PLEKHA7: variants seen among roughly 807,000 people sequenced by gnomAD.
PLEKHA7 encodes pleckstrin homology domain-containing family A member 7.
Under a neutral mutation model 170.0 loss-of-function variants are expected in PLEKHA7, and 104 were observed. That is an observed-to-expected ratio of 0.61 (90% CI 0.52 to 0.72). The LOEUF (loss-of-function observed/expected upper bound fraction) is 0.72. Among genes scored for constraint, PLEKHA7 ranks in the 30% least tolerant of loss-of-function variants. The pLI is 0.00. For synonymous variants in PLEKHA7, 648 were observed against 660.8 expected, an observed-to-expected ratio of 0.98 and a Z score of 0.30; for missense variants, 1,615 against 1,671.7, an observed-to-expected ratio of 0.97 and a Z score of 0.59.
intron 3 of PLEKHA7, among the ~76,000 whole-genome samples, chr11:16,968,288 G>A (rs977176159): frequency 6.6e-6 from 1 of 152,210 alleles, no homozygotes; most frequent in Non-Finnish European, 1.5e-5. Flanking sequence ...TCCAGACTCA[G>A]CTCTGGGCAC....
At chr11:16,858,177 CA>C (rs1170202277) in intron 4 of PLEKHA7, among the ~76,000 whole-genome samples, 1 of 152,154 alleles carries the variant, frequency 6.6e-6, no homozygotes, top group Non-Finnish European at 1.5e-5. Context: ...TGGTTACTTC[CA>C]TTCTTTTTAT....
intron 3 of PLEKHA7, among the ~76,000 whole-genome samples, chr11:16,968,000 G>A (rs930367186): frequency 6.6e-6 from 1 of 152,188 alleles, no homozygotes; most frequent in Admixed American, 6.5e-5. Context: ...AAGTGAGGAG[G>A]AGGCCTGGAG....
chr11:16,957,697 C>CTTT (rs1169142909), intron 3 of PLEKHA7, among the ~76,000 whole-genome samples: 84 of 87,296 alleles, frequency 9.6e-4, no homozygotes, highest in African/African-American at 3.0e-3. Context: ...TAATTTTTTT[C>CTTT]TTTTTTTTTT....
At chr11:16,969,399 G>T (rs1862573872) in intron 3 of PLEKHA7, among the ~76,000 whole-genome samples, 2 of 152,134 alleles carry the variant, frequency 1.3e-5, no homozygotes. Context: ...GATGTAATAT[G>T]ATTACATCTT....
intron 3 of PLEKHA7, among the ~76,000 whole-genome samples, chr11:16,886,777 C>T (rs145238867): frequency 4.6e-3 from 698 of 151,268 alleles, no homozygotes; most frequent in Non-Finnish European, 8.4e-3. Context: ...GATTTACTTG[C>T]CCCCAACAAT....
At chr11:16,919,814 A>G (rs1858955577) in intron 3 of PLEKHA7, among the ~76,000 whole-genome samples, 1 of 152,236 alleles carries the variant, frequency 6.6e-6, no homozygotes, top group Non-Finnish European at 1.5e-5. Context: ...AACAAATATT[A>G]CTCAATATAA....
chr11:16,795,693 G>T (rs1848174725), intron 17 of PLEKHA7, among the ~76,000 whole-genome samples: 1 of 151,624 alleles, frequency 6.6e-6, no homozygotes, highest in African/African-American at 2.4e-5. Flanking sequence ...GGAGGCTGAG[G>T]CATGAGAATC....
chr11:16,804,100 C>T lies in PLEKHA7; in HGVS notation c.2008-805G>A, dbSNP rs1240812547. 2.0e-5 allele frequency among the ~76,000 whole-genome samples: 3 copies of T among 152,122 alleles called. No individual in the cohort carries two copies. The South Asian group carries it at 6.2e-4, about 32-fold the overall frequency. ...TCTTACTTATCCCATTTTTCCATTT[C>T]CCCCAATTTCTTTCTTGCCAAAAGT... On this transcript the variant is annotated intron_variant, in intron 13 of 26. Transcript: ENST00000531066.
chr11:16,795,929 C>A (rs569802252), intron 17 of PLEKHA7, among the ~76,000 whole-genome samples: 1 of 141,284 alleles, frequency 7.1e-6, no homozygotes. Flanking sequence ...CATCTCGGCT[C>A]ACTGCAACCT....
rs778053591 is a variant in PLEKHA7 at position 16,822,273 on chromosome 11, G to A, written c.1343+3847C>T. Among the ~76,000 whole-genome samples the A allele has an allele frequency of 2.6e-5, 4 of 151,992 alleles. No homozygotes were observed. The East Asian group carries it at 5.8e-4, about 22-fold the overall frequency. On this transcript the variant is annotated intron_variant, in intron 10 of 26. Coordinates refer to ENST00000531066, the MANE Select transcript of PLEKHA7 (RefSeq NM_001329630.2). ...CAAAGAGTTTCTCACTGGCCATGCC[G>A]TCTTACTGATTTCAACCCCTCCTTT...
intron 3 of PLEKHA7, among the ~76,000 whole-genome samples, chr11:16,877,891 A>G (rs1461790590): frequency 6.6e-6 from 1 of 152,224 alleles, no homozygotes; most frequent in Non-Finnish European, 1.5e-5. Flanking sequence ...AAATGAAGGA[A>G]CATACATGAA....
chr11:16,886,285 A>G (rs1856095579), intron 3 of PLEKHA7, among the ~76,000 whole-genome samples: 1 of 152,238 alleles, frequency 6.6e-6, no homozygotes, highest in Admixed American at 6.5e-5. Context: ...TTTATAGCAC[A>G]GGCCCTGGAG....
At chr11:16,948,127 G>A (rs776378352) in intron 3 of PLEKHA7, among the ~76,000 whole-genome samples, 5 of 152,044 alleles carry the variant, frequency 3.3e-5, no homozygotes, top group Non-Finnish European at 5.9e-5. Context: ...TAAAAAAGGT[G>A]AGCTCATAGA....
In PLEKHA7 at chr11:16,791,614, C is replaced by G. The variant is rs1847861419; in HGVS notation, c.2746-415G>C. The G allele has an allele frequency of 4.3e-6, 2 of 463,752 alleles. No homozygotes were observed. The highest frequency in any genetic ancestry group is 1.4e-4 in the East Asian group (2 of 14,728). 28.7% of individuals were successfully genotyped at this position (463,752 alleles called of 1,614,324 possible). A position where few individuals can be genotyped will look rare whatever the true frequency, so the allele number is the denominator to read the frequency against. On this transcript the variant is annotated intron_variant, in intron 19 of 26. Transcript: ENST00000531066. The surrounding 1 kb of genome is among the most constrained non-coding windows in gnomAD (Gnocchi z 4.5). ...TGGAGAGTAACATCTACCCACTCAG[C>G]AGTGCTCAGCCTGAGCCGGCTCATT...
At chr11:16,835,489 T>C (rs1174698103) in intron 9 of PLEKHA7, among the ~76,000 whole-genome samples, 1 of 152,116 alleles carries the variant, frequency 6.6e-6, no homozygotes, top group Non-Finnish European at 1.5e-5. Flanking sequence ...CATTGAGATC[T>C]AGGAATTAAT....
chr11:16,822,955 G>C (rs1406725093), intron 10 of PLEKHA7, among the ~76,000 whole-genome samples: 1 of 151,928 alleles, frequency 6.6e-6, no homozygotes, highest in Non-Finnish European at 1.5e-5. Context: ...ACATGCACTG[G>C]AATCACCTAG....
At chr11:16,929,141 G>A (rs1441347402) in intron 3 of PLEKHA7, among the ~76,000 whole-genome samples, 5 of 152,138 alleles carry the variant, frequency 3.3e-5, no homozygotes, top group Non-Finnish European at 5.9e-5. Flanking sequence ...GACTTTTAAA[G>A]GGGTGACTGA....
At chr11:16,806,415 G>A (rs1334748317) in intron 13 of PLEKHA7, among the ~76,000 whole-genome samples, 2 of 152,216 alleles carry the variant, frequency 1.3e-5, no homozygotes, top group Non-Finnish European at 1.5e-5. Flanking sequence ...CAGCATCTCT[G>A]TCATCAGAAA....
At chr11:16,841,339 C>T (rs753148632) in intron 9 of PLEKHA7, among the ~76,000 whole-genome samples, 12 of 152,214 alleles carry the variant, frequency 7.9e-5, no homozygotes, top group Non-Finnish European at 1.6e-4. Context: ...GAGAAGCCCA[C>T]ACATGCCAGT....
Sources: allele counts gnomAD v4.1 joint callset (sites outside exome capture counted in the v4.1 genomes callset), GRCh38; gene constraint gnomAD v4.1.1; non-coding constraint Gnocchi (gnomAD v3.1); transcripts MANE v1.5; gene names NCBI Gene and HGNC (gene_info 2026-07-23, HGNC 2026-07-21).